The following GPC6 variants were observed in gnomAD, a reference collection of about 807,000 sequenced individuals.
The protein encoded by GPC6 is glypican-6.
Under a neutral mutation model 55.2 loss-of-function variants are expected in GPC6, and 14 were observed. The ratio of observed to expected loss-of-function variants is 0.25; its 90% CI spans 0.17 to 0.40. The LOEUF (loss-of-function observed/expected upper bound fraction) is 0.40. Among genes scored for constraint, GPC6 ranks in the 10% least tolerant of loss-of-function variants. The pLI, the probability that GPC6 is intolerant of heterozygous loss-of-function variation, is 1.00. For missense variants in GPC6, 641 were observed against 708.5 expected (o/e 0.90, Z 1.08); for synonymous variants, 278 against 259.6 (o/e 1.07, Z -0.68).
chr13:93,416,187 C>A (rs553411926), intron 1 of GPC6, among the ~76,000 whole-genome samples: 3 of 152,106 alleles, frequency 2.0e-5, no homozygotes, highest in Admixed American at 2.0e-4. Context: ...GTCTCCTTGC[C>A]TCTGTGGACA....
At chr13:94,367,832 ATG>A (rs1879350642) in intron 6 of GPC6, among the ~76,000 whole-genome samples, 2 of 152,060 alleles carry the variant, frequency 1.3e-5, no homozygotes, top group African/African-American at 4.8e-5. Flanking sequence ...CCTACAAAAC[ATG>A]TGTTTGTCAA....
At chr13:93,522,957 A>G (rs913575913) in intron 1 of GPC6, among the ~76,000 whole-genome samples, 3 of 151,700 alleles carry the variant, frequency 2.0e-5, no homozygotes, top group Non-Finnish European at 4.4e-5. Context: ...TTGATGTCAG[A>G]AAGTTATTTC....
At chr13:94,236,773 G>C (rs1040689686) in intron 4 of GPC6, among the ~76,000 whole-genome samples, 2 of 152,022 alleles carry the variant, frequency 1.3e-5, no homozygotes, top group Non-Finnish European at 2.9e-5. Context: ...CATACTACAG[G>C]GTGTCGTCTA....
At chr13:94,282,696 T>A (rs1259120514) in intron 4 of GPC6, among the ~76,000 whole-genome samples, 1 of 152,140 alleles carries the variant, frequency 6.6e-6, no homozygotes, top group Non-Finnish European at 1.5e-5. Flanking sequence ...TTGGCAAGGG[T>A]GGATGGAGAT....
chr13:93,826,880 C>T (rs955372746), intron 2 of GPC6, among the ~76,000 whole-genome samples: 1 of 152,126 alleles, frequency 6.6e-6, no homozygotes, highest in African/African-American at 2.4e-5. Context: ...GCTTTTGCAA[C>T]AGTGGTGGTT....
intron 3 of GPC6, among the ~76,000 whole-genome samples, chr13:93,903,102 A>G (rs1368272589): frequency 1.3e-5 from 2 of 152,226 alleles, no homozygotes; most frequent in Non-Finnish European, 2.9e-5. Flanking sequence ...AAGACGTGAA[A>G]CAATAAAACT....
intron 4 of GPC6, among the ~76,000 whole-genome samples, chr13:94,181,426 C>T (rs748822110): frequency 2.6e-5 from 4 of 151,974 alleles, no homozygotes; most frequent in South Asian, 2.1e-4. Flanking sequence ...CTGGTTCCCC[C>T]GATATAGTTG....
chr13:94,372,949 A>G lies in GPC6; in HGVS notation c.1153-9465A>G, dbSNP rs367977835. Reference sequence around the variant, plus strand: ...TAACTGGGAGGCACCCCCCAGCAGGAGCACACTGACACCTCACACGGCAGG... The same window carrying G: ...TAACTGGGAGGCACCCCCCAGCAGGGGCACACTGACACCTCACACGGCAGG... On this transcript the variant is annotated intron_variant, in intron 6 of 8. Coordinates refer to ENST00000377047, the MANE Select transcript of GPC6 (RefSeq NM_005708.5). 3.5e-3 allele frequency among the ~76,000 whole-genome samples: 529 copies of G among 151,762 alleles called. 2 individuals are homozygous for G. The highest frequency in any genetic ancestry group is 0.014 in the Middle Eastern group (4 of 294).
chr13:94,072,170 T>A (rs9301933), intron 4 of GPC6, among the ~76,000 whole-genome samples: 4,282 of 152,300 alleles, frequency 0.028, 205 homozygotes, highest in African/African-American at 0.098. Flanking sequence ...CATCTAATTG[T>A]GCAACTGATA....
intron 4 of GPC6, among the ~76,000 whole-genome samples, chr13:94,256,823 G>A (rs1891520851): frequency 6.6e-6 from 1 of 152,114 alleles, no homozygotes; most frequent in South Asian, 2.1e-4. Context: ...CATTATAGGT[G>A]GAGGGAGCTG....
intron 1 of GPC6, among the ~76,000 whole-genome samples, chr13:93,426,640 T>A (rs36197338): frequency 0.016 from 2,503 of 151,822 alleles, 58 homozygotes; most frequent in African/African-American, 0.058. Flanking sequence ...TCTATCATTG[T>A]TGGACATTTG....
At position 94,027,877 on chromosome 13, in the gene GPC6, A is replaced by G. The variant is rs770764312; in HGVS notation, c.860A>G (p.Glu287Gly). Residue 287 changes from glutamate to glycine, a missense_variant, in exon 4 of 9, where the codon GAG becomes GGG. By Grantham distance (98) the Glu-to-Gly change is moderately conservative. Coordinates refer to ENST00000377047, the MANE Select transcript of GPC6 (RefSeq NM_005708.5). ...CLANQADLDTEWNLFIDAMLL... is the reference protein window; with the variant it reads ...CLANQADLDTGWNLFIDAMLL... ...GCAAATCAGGCTGACCTCGACACAGAGTGGAATCTGTTTATAGGTAAGAAG... is the reference window on the plus strand; with the variant it reads ...GCAAATCAGGCTGACCTCGACACAGGGTGGAATCTGTTTATAGGTAAGAAG... 6.2e-7 allele frequency: 1 copy of G among 1,614,030 alleles called. No individual in the cohort carries two copies. Among genetic ancestry groups the G allele is most frequent in the Non-Finnish European group, 8.5e-7 (1 of 1,179,972 alleles).
intron 3 of GPC6, among the ~76,000 whole-genome samples, chr13:93,903,344 T>G (rs1876467181): frequency 6.6e-6 from 1 of 152,216 alleles, no homozygotes; most frequent in Admixed American, 6.5e-5. Flanking sequence ...TTACTTTTAC[T>G]TGATCTTTAT....
chr13:93,655,949 T>G (rs189616137), intron 2 of GPC6, among the ~76,000 whole-genome samples: 9 of 152,330 alleles, frequency 5.9e-5, no homozygotes, highest in African/African-American at 2.2e-4. Context: ...GAATTTATTC[T>G]TTTGATAAAA....
intron 1 of GPC6, among the ~76,000 whole-genome samples, chr13:93,319,768 A>T (rs1879370456): frequency 6.6e-6 from 1 of 152,128 alleles, no homozygotes; most frequent in African/African-American, 2.4e-5. Flanking sequence ...ACAAAATCGC[A>T]AAATTTCAGA....
At chr13:93,908,540 C>T (rs1876792938) in intron 3 of GPC6, among the ~76,000 whole-genome samples, 1 of 152,110 alleles carries the variant, frequency 6.6e-6, no homozygotes, top group Admixed American at 6.6e-5. Flanking sequence ...TTTGTGTTTG[C>T]AGTAATACAA....
chr13:93,539,602 G>A (rs1391566149), intron 1 of GPC6, among the ~76,000 whole-genome samples: 3 of 152,020 alleles, frequency 2.0e-5, no homozygotes, highest in Non-Finnish European at 4.4e-5. Context: ...ATTTCAATAA[G>A]TCTTGCTGAC....
intron 6 of GPC6, among the ~76,000 whole-genome samples, chr13:94,321,868 C>T (rs1566672957): frequency 6.6e-6 from 1 of 152,214 alleles, no homozygotes; most frequent in Non-Finnish European, 1.5e-5. Context: ...CTCCAGAACC[C>T]TTACTGTTGG....
chr13:93,350,723 G>T (rs904806938), intron 1 of GPC6, among the ~76,000 whole-genome samples: 1 of 152,134 alleles, frequency 6.6e-6, no homozygotes, highest in African/African-American at 2.4e-5. Context: ...ATCTTAAGTA[G>T]ATCAAAATAT....
Sources: gnomAD v4.1 joint callset for allele counts (sites outside exome capture counted in the v4.1 genomes callset) on GRCh38, gnomAD v4.1.1 for gene constraint, MANE v1.5 for transcripts, NCBI Gene and HGNC (gene_info 2026-07-23, HGNC 2026-07-21) for gene names.